DLGAP2: variants seen among roughly 807,000 people sequenced by gnomAD.
DLGAP2 encodes disks large-associated protein 2.
In DLGAP2, 26 loss-of-function variants were observed where a neutral mutation model predicts 100.3. The ratio of observed to expected loss-of-function variants is 0.26; its 90% CI spans 0.19 to 0.36. The LOEUF (loss-of-function observed/expected upper bound fraction) is 0.36. Ranked by LOEUF, DLGAP2 falls within the 10% of genes least tolerant of loss-of-function variation. The probability of loss-of-function intolerance (pLI) is 1.00; values close to 1 mark genes in which losing one functional copy is unlikely to be tolerated. For synonymous variants in DLGAP2, 886 were observed against 630.1 expected (o/e 1.41, Z -6.08); for missense variants, 1,858 against 1,453.2 (o/e 1.28, Z -4.53).
intron 2 of DLGAP2, among the ~76,000 whole-genome samples, chr8:1,041,890 A>T (rs1802364403): frequency 6.6e-6 from 1 of 152,102 alleles, no homozygotes; most frequent in African/African-American, 2.4e-5. Flanking sequence ...CACCATGCGG[A>T]AGAATGTCGG....
intron 2 of DLGAP2, among the ~76,000 whole-genome samples, chr8:945,456 T>C (rs1028504181): frequency 6.6e-6 from 1 of 152,214 alleles, no homozygotes; most frequent in African/African-American, 2.4e-5. Flanking sequence ...CTTTAAATTT[T>C]CCTAGTTTAC....
chr8:845,050 T>C (rs546449792), intron 1 of DLGAP2, among the ~76,000 whole-genome samples: 16 of 152,386 alleles, frequency 1.0e-4, no homozygotes, highest in South Asian at 1.0e-3. Flanking sequence ...ATATACCACA[T>C]TTTATTTATC....
chr8:1,046,946 T>TAAA (rs1802533175), intron 2 of DLGAP2, among the ~76,000 whole-genome samples: 1 of 98,574 alleles, frequency 1.0e-5, no homozygotes, highest in Non-Finnish European at 2.3e-5. Context: ...TTTTTGTTGT[T>TAAA]TTATTAAAAT....
chr8:1,013,553 T>C (rs1318344817), intron 2 of DLGAP2, among the ~76,000 whole-genome samples: 1 of 151,978 alleles, frequency 6.6e-6, no homozygotes, highest in Non-Finnish European at 1.5e-5. Context: ...CGCAGAGGTC[T>C]CCAGACAGCA....
At chr8:1,517,773 C>T (rs117540292) in intron 4 of DLGAP2, among the ~76,000 whole-genome samples, 1 of 152,170 alleles carries the variant, frequency 6.6e-6, no homozygotes, top group Non-Finnish European at 1.5e-5. Flanking sequence ...AAGTCGATGT[C>T]CAGCTGCTTG....
chr8:1,161,802 T>A (rs907364231), intron 2 of DLGAP2, among the ~76,000 whole-genome samples: 2 of 151,746 alleles, frequency 1.3e-5, no homozygotes, highest in African/African-American at 2.4e-5. Context: ...GGAGGCCTGC[T>A]GGGGATAGAC....
At position 1,327,533 on chromosome 8, in the gene DLGAP2, A is replaced by T. The variant is rs143266524; in HGVS notation, c.106+68650A>T. On this transcript the variant is annotated intron_variant, in intron 3 of 14. Transcript: ENST00000637795. Reference sequence around the variant, plus strand: ...GAACTTGACCTTTTTAAAAAGTTTAAATCTCTTGCAAGTGTAAAGAAACAT... The same window carrying T: ...GAACTTGACCTTTTTAAAAAGTTTATATCTCTTGCAAGTGTAAAGAAACAT... Among the ~76,000 whole-genome samples the T allele has an allele frequency of 2.0e-3, 308 of 152,284 alleles. 2 individuals are homozygous for T. Among genetic ancestry groups the T allele is most frequent in the African/African-American group, 7.1e-3 (294 of 41,548 alleles).
chr8:1,084,093 CT>C (rs1803896429), intron 2 of DLGAP2, among the ~76,000 whole-genome samples: 2 of 152,004 alleles, frequency 1.3e-5, no homozygotes, highest in Non-Finnish European at 2.9e-5. Context: ...TGTATGTACT[CT>C]TAACTCAATT....
chr8:765,911 G>A (rs1028921875), intron 1 of DLGAP2, among the ~76,000 whole-genome samples: 2 of 152,174 alleles, frequency 1.3e-5, no homozygotes, highest in African/African-American at 4.8e-5. Context: ...GCTCACGCCT[G>A]TAATCCCAGT....
At chr8:1,335,961 T>C (rs1801263767) in intron 3 of DLGAP2, among the ~76,000 whole-genome samples, 1 of 152,094 alleles carries the variant, frequency 6.6e-6, no homozygotes, top group South Asian at 2.1e-4. Flanking sequence ...TCAGGGCCCA[T>C]AGAACTGGGG....
intron 3 of DLGAP2, among the ~76,000 whole-genome samples, chr8:1,427,053 T>C (rs1057444106): frequency 3.3e-5 from 5 of 152,216 alleles, no homozygotes; most frequent in African/African-American, 9.6e-5. Context: ...TTAAGATCTT[T>C]ATTTTAATAA....
At chr8:1,243,513 G>T (rs1798842222) in intron 2 of DLGAP2, among the ~76,000 whole-genome samples, 1 of 152,172 alleles carries the variant, frequency 6.6e-6, no homozygotes, top group Admixed American at 6.5e-5. Context: ...ATGTTCTGTT[G>T]TCATTTCATG....
intron 3 of DLGAP2, among the ~76,000 whole-genome samples, chr8:1,318,779 C>CT (rs774970537): frequency 1.1e-4 from 1 of 9,488 alleles, no homozygotes; most frequent in Non-Finnish European, 1.9e-4. Flanking sequence ...CAGTGATCAG[C>CT]CCCCCCCCCG....
intron 1 of DLGAP2, among the ~76,000 whole-genome samples, chr8:780,970 C>T (rs993479937): frequency 2.0e-5 from 3 of 152,214 alleles, no homozygotes; most frequent in African/African-American, 7.2e-5. Context: ...GAACTAGCAT[C>T]TGGCAATGAA....
At chr8:1,543,187 A>G (rs918490090) in intron 4 of DLGAP2, among the ~76,000 whole-genome samples, 1 of 152,244 alleles carries the variant, frequency 6.6e-6, no homozygotes, top group African/African-American at 2.4e-5. Context: ...CTTTTAAAGC[A>G]TAAAACTTTT....
At chr8:845,855 C>T (rs1355421575) in intron 1 of DLGAP2, among the ~76,000 whole-genome samples, 1 of 152,172 alleles carries the variant, frequency 6.6e-6, no homozygotes. Context: ...AGGAAGGGAT[C>T]CAACTTCTTT....
chr8:925,725 G>T (rs1181899731), intron 2 of DLGAP2, among the ~76,000 whole-genome samples: 1 of 152,122 alleles, frequency 6.6e-6, no homozygotes, highest in Non-Finnish European at 1.5e-5. Context: ...AAGGAGATTT[G>T]TTAAAAGGAA....
intron 2 of DLGAP2, among the ~76,000 whole-genome samples, chr8:1,080,125 G>T (rs990983749): frequency 2.0e-5 from 3 of 152,224 alleles, no homozygotes; most frequent in African/African-American, 7.2e-5. Flanking sequence ...CGTGCTGCAG[G>T]TTCGCTGGGG....
intron 5 of DLGAP2, among the ~76,000 whole-genome samples, chr8:1,559,956 C>T (rs1049959895): frequency 6.6e-6 from 1 of 152,324 alleles, no homozygotes; most frequent in South Asian, 2.1e-4. Context: ...CGACAGTGAC[C>T]TTCAACACGT....
Sources: gnomAD v4.1 joint callset for allele counts (sites outside exome capture counted in the v4.1 genomes callset) on GRCh38, gnomAD v4.1.1 for gene constraint, MANE v1.5 for transcripts, NCBI Gene and HGNC (gene_info 2026-07-23, HGNC 2026-07-21) for gene names.